The following CAMK1D variants were observed in gnomAD, a reference collection of about 807,000 sequenced individuals.
CAMK1D encodes the protein calcium/calmodulin-dependent protein kinase type 1D.
A neutral mutation model predicts 47.7 loss-of-function variants in CAMK1D; 9 were observed. The observed-to-expected ratio is 0.19, with a 90% confidence interval of 0.11 to 0.33. The LOEUF (loss-of-function observed/expected upper bound fraction) is 0.33. Ranked by LOEUF, CAMK1D falls within the 10% of genes least tolerant of loss-of-function variation. The pLI is 1.00. For missense variants in CAMK1D, 291 were observed against 488.7 expected, an observed-to-expected ratio of 0.60 and a Z score of 3.81; for synonymous variants, 184 against 184.9, an observed-to-expected ratio of 0.99 and a Z score of 0.04.
chr10:12,590,472 T>G (rs11257910), intron 2 of CAMK1D, among the ~76,000 whole-genome samples: 4 of 152,036 alleles, frequency 2.6e-5, no homozygotes, highest in Non-Finnish European at 5.9e-5. Flanking sequence ...GTGATCCTCC[T>G]GCCTCGGCCT....
intron 1 of CAMK1D, among the ~76,000 whole-genome samples, chr10:12,505,120 C>T (rs1244833701): frequency 6.6e-5 from 10 of 152,192 alleles, no homozygotes; most frequent in African/African-American, 2.4e-4. Flanking sequence ...GCTCTGTGAG[C>T]ATTGTTAACC....
At chr10:12,620,214 A>AAAAAAAAAAAAAAAAAAAAAAC (rs1838956495) in intron 2 of CAMK1D, among the ~76,000 whole-genome samples, 1 of 135,938 alleles carries the variant, frequency 7.4e-6, no homozygotes, top group Non-Finnish European at 1.7e-5. Context: ...AAAAAAAAAA[A>AAAAAAAAAAAAAAAAAAAAAAC]AAAATAAAGC....
chr10:12,579,277 G>A (rs1164185583), intron 2 of CAMK1D, among the ~76,000 whole-genome samples: 2 of 152,172 alleles, frequency 1.3e-5, no homozygotes, highest in Admixed American at 6.5e-5. Flanking sequence ...GTCCTGCATA[G>A]CATTCCTCAT....
intron 5 of CAMK1D, among the ~76,000 whole-genome samples, chr10:12,786,951 C>A (rs1837751530): frequency 6.6e-6 from 1 of 152,160 alleles, no homozygotes; most frequent in South Asian, 2.1e-4. Flanking sequence ...GACGAAACCC[C>A]TTCTCTACTA....
At chr10:12,668,144 G>A (rs553375392) in intron 3 of CAMK1D, among the ~76,000 whole-genome samples, 1 of 152,258 alleles carries the variant, frequency 6.6e-6, no homozygotes, top group East Asian at 1.9e-4. Flanking sequence ...TTCCTAGAGA[G>A]AGCTAGTTCT....
chr10:12,651,998 C>T (rs1839985064), intron 2 of CAMK1D, among the ~76,000 whole-genome samples: 1 of 151,598 alleles, frequency 6.6e-6, no homozygotes, highest in Admixed American at 6.6e-5. Context: ...CCAGGATGGC[C>T]TCTATCTCCT....
intron 8 of CAMK1D, among the ~76,000 whole-genome samples, chr10:12,819,475 A>G (rs1437920705): frequency 6.6e-6 from 1 of 152,186 alleles, no homozygotes; most frequent in Non-Finnish European, 1.5e-5. Context: ...TTCACCACTC[A>G]CTGCCCGTGT....
intron 1 of CAMK1D, among the ~76,000 whole-genome samples, chr10:12,388,513 C>T (rs2131885837): frequency 6.6e-6 from 1 of 152,246 alleles, no homozygotes; most frequent in South Asian, 2.1e-4. Flanking sequence ...CGCTGGTGTG[C>T]CTTCTTGGCC....
chr10:12,485,656 ACT>A (rs1834192560), intron 1 of CAMK1D, among the ~76,000 whole-genome samples: 1 of 152,050 alleles, frequency 6.6e-6, no homozygotes, highest in Admixed American at 6.5e-5. Flanking sequence ...ACCGCTCAAA[ACT>A]CTAATTCAGC....
At chr10:12,713,243 TG>T (rs1210717973) in intron 3 of CAMK1D, among the ~76,000 whole-genome samples, 1 of 152,188 alleles carries the variant, frequency 6.6e-6, no homozygotes, top group Non-Finnish European at 1.5e-5. Context: ...GCTAATTTTT[TG>T]TATTTTTAGT....
intron 1 of CAMK1D, among the ~76,000 whole-genome samples, chr10:12,437,570 G>A (rs11816561): frequency 1.8e-3 from 280 of 152,142 alleles, no homozygotes; most frequent in African/African-American, 6.2e-3. Context: ...CTATATACTC[G>A]CTGCCCTACA....
chr10:12,624,822 T>C (rs554615226), intron 2 of CAMK1D, among the ~76,000 whole-genome samples: 18 of 152,224 alleles, frequency 1.2e-4, no homozygotes, highest in Non-Finnish European at 2.5e-4. Context: ...TTCTTCATTT[T>C]ACTCCTTTTA....
intron 2 of CAMK1D, among the ~76,000 whole-genome samples, chr10:12,602,924 T>TATTATTATTATTATTATTA (rs1554795394): frequency 8.0e-5 from 12 of 149,410 alleles, no homozygotes; most frequent in Admixed American, 1.3e-4. Context: ...TTATTATTAT[T>TATTATTATTATTATTATTA]TTGAGACAGA....
At chr10:12,824,396 C>G (rs1833124119) in intron 8 of CAMK1D, 69 bp from the exon 9 acceptor site, 4 of 1,367,262 alleles carry the variant, frequency 2.9e-6, no homozygotes, top group Non-Finnish European at 4.2e-6. Context: ...GGTAAGACTC[C>G]CCTTTATGGG....
chr10:12,818,130 T>C (rs1051461781), intron 8 of CAMK1D, among the ~76,000 whole-genome samples: 1 of 151,954 alleles, frequency 6.6e-6, no homozygotes, highest in Non-Finnish European at 1.5e-5. Context: ...CAGAAAACCA[T>C]CCCCCTGTGT....
At chr10:12,611,466 G>T (rs1212037851) in intron 2 of CAMK1D, among the ~76,000 whole-genome samples, 1 of 152,060 alleles carries the variant, frequency 6.6e-6, no homozygotes, top group East Asian at 1.9e-4. Context: ...AGGTGAGGAA[G>T]CTCCGCCTGG....
intron 2 of CAMK1D, among the ~76,000 whole-genome samples, chr10:12,645,703 G>C (rs1839792734): frequency 6.6e-6 from 1 of 152,202 alleles, no homozygotes; most frequent in Non-Finnish European, 1.5e-5. Flanking sequence ...CTGTGTGGGG[G>C]TGATGTGGCT....
chr10:12,625,023 TTTC>T (rs954180590), intron 2 of CAMK1D, among the ~76,000 whole-genome samples: 74 of 149,006 alleles, frequency 5.0e-4, no homozygotes, highest in African/African-American at 1.8e-3. Context: ...CTCCTCCTCC[TTTC>T]TTCTTCTTCT....
intron 2 of CAMK1D, among the ~76,000 whole-genome samples, chr10:12,642,470 TG>T (rs1839694354): frequency 2.0e-5 from 3 of 152,188 alleles, no homozygotes; most frequent in Admixed American, 2.0e-4. Flanking sequence ...GTGTCAGGGT[TG>T]GGGGGTAGCG....
Sources: allele counts gnomAD v4.1 joint callset (sites outside exome capture counted in the v4.1 genomes callset), GRCh38; gene constraint gnomAD v4.1.1; transcripts MANE v1.5; gene names NCBI Gene and HGNC (gene_info 2026-07-23, HGNC 2026-07-21).